Variants in CFDP1 observed in about 807,000 individuals in gnomAD.
CFDP1 encodes chromatin remodeling protein CFDP1.
A neutral mutation model predicts 40.1 loss-of-function variants in CFDP1; 31 were observed. The ratio of observed to expected loss-of-function variants is 0.77; its 90% CI spans 0.58 to 1.04. The LOEUF is 1.04. Among genes scored for constraint, CFDP1 ranks in the 50% least tolerant of loss-of-function variants. The pLI is 0.00. For missense variants in CFDP1, 423 were observed against 343.4 expected (o/e 1.23, Z -1.83); for synonymous variants, 167 against 120.0 (o/e 1.39, Z -2.56).
intron 6 of CFDP1, among the ~76,000 whole-genome samples, chr16:75,298,706 C>G (rs552348336): frequency 4.7e-4 from 72 of 152,274 alleles, no homozygotes; most frequent in South Asian, 1.0e-3. Flanking sequence ...ACACCTCCCG[C>G]CTTCAGGAGG....
At position 75,405,196 on chromosome 16, in the gene CFDP1, C is replaced by T. The variant is rs1845031944; in HGVS notation, c.530+6629G>A. Among the ~76,000 whole-genome samples, 3 of 152,100 alleles carry T rather than the reference C, an allele frequency of 2.0e-5. No individual in the cohort carries two copies. In the South Asian group the frequency reaches 6.2e-4, roughly 31 times the overall value. On this transcript the variant is annotated intron_variant, in intron 4 of 6. Coordinates refer to ENST00000283882, the MANE Select transcript of CFDP1 (RefSeq NM_006324.3). ...TGTGATATGAATTATCAGTCACACG[C>T]AGTAGGACATTACAATGTGTGTGAT...
At chr16:75,432,590 G>C (rs1339719065) in intron 1 of CFDP1, among the ~76,000 whole-genome samples, 1 of 151,958 alleles carries the variant, frequency 6.6e-6, no homozygotes, top group Non-Finnish European at 1.5e-5. Flanking sequence ...AAGAGAATAG[G>C]GACGACTCCT....
intron 1 of CFDP1, among the ~76,000 whole-genome samples, chr16:75,423,578 G>A (rs1287852505): frequency 6.6e-6 from 1 of 151,910 alleles, no homozygotes; most frequent in Non-Finnish European, 1.5e-5. Flanking sequence ...GCAGTGGTGC[G>A]ATCTCCGCTC....
At chr16:75,415,283 C>T (rs1477007256) in intron 1 of CFDP1, among the ~76,000 whole-genome samples, 1 of 152,158 alleles carries the variant, frequency 6.6e-6, no homozygotes, top group Non-Finnish European at 1.5e-5. Context: ...GATGTCTGAC[C>T]ACATGCTGTG....
intron 5 of CFDP1, among the ~76,000 whole-genome samples, chr16:75,362,021 C>T (rs2078682921): frequency 1.3e-5 from 2 of 152,122 alleles, no homozygotes; most frequent in Admixed American, 6.5e-5. Flanking sequence ...TGAAGGAACT[C>T]AGAAAAACCC....
At chr16:75,390,627 A>T (rs1344527354) in intron 5 of CFDP1, among the ~76,000 whole-genome samples, 2 of 152,242 alleles carry the variant, frequency 1.3e-5, no homozygotes, top group Non-Finnish European at 2.9e-5. Flanking sequence ...CACAGTTTTA[A>T]CAAGTGTCAG....
intron 5 of CFDP1, among the ~76,000 whole-genome samples, chr16:75,324,276 C>T (rs1036174359): frequency 5.3e-5 from 8 of 151,872 alleles, no homozygotes; most frequent in African/African-American, 1.7e-4. Flanking sequence ...GCCAGGGGGA[C>T]GAGCTGGGAT....
intron 5 of CFDP1, among the ~76,000 whole-genome samples, chr16:75,350,359 GAA>G (rs2078602534): frequency 6.6e-6 from 1 of 152,174 alleles, no homozygotes; most frequent in Non-Finnish European, 1.5e-5. Flanking sequence ...AGCAAGGTAT[GAA>G]GGTTTCAACT....
chr16:75,375,311 G>A (rs1392289196), intron 5 of CFDP1, among the ~76,000 whole-genome samples: 1 of 152,028 alleles, frequency 6.6e-6, no homozygotes, highest in Non-Finnish European at 1.5e-5. Flanking sequence ...ATTTACATCT[G>A]ACAAACTATC....
chr16:75,406,645 G>A (rs1387604901), intron 4 of CFDP1: 2 of 152,106 alleles, frequency 1.3e-5, no homozygotes, highest in African/African-American at 2.4e-5. Flanking sequence ...AGGTTGTGAT[G>A]AGCCGAGATT....
At position 75,395,104 on chromosome 16, in the gene CFDP1, G is replaced by T; in HGVS notation, c.636C>A (p.Leu212=). 1 of 1,613,900 alleles carries T rather than the reference G, an allele frequency of 6.2e-7. No individual in the cohort carries two copies. Among genetic ancestry groups the T allele is most frequent in the South Asian group, 1.1e-5 (1 of 91,074 alleles). Residue 212 remains leucine, a synonymous_variant, in exon 5 of 7, where the codon CTC becomes CTA. Coordinates refer to ENST00000283882, the MANE Select transcript of CFDP1 (RefSeq NM_006324.3). ...QANVPSALPS[L]PAGSGLKRSS... is the part of the protein sequence containing the mutation. The stretch of plus-strand genomic sequence containing the variant: ...CAAATACTCACCCTGACCCGGCAGG[G>T]AGTGATGGCAGAGCTGAAGGAACAT...
chr16:75,395,726 T>C (rs2078991044), intron 4 of CFDP1, among the ~76,000 whole-genome samples: 1 of 152,114 alleles, frequency 6.6e-6, no homozygotes, highest in Admixed American at 6.5e-5. Flanking sequence ...ACAATGTGTA[T>C]AAATTTTATC....
At chr16:75,404,042 G>T (rs1439182390) in intron 4 of CFDP1, among the ~76,000 whole-genome samples, 1 of 151,648 alleles carries the variant, frequency 6.6e-6, no homozygotes, top group African/African-American at 2.4e-5. Flanking sequence ...TAAGGCAGGA[G>T]AATCGCTTGA....
chr16:75,322,834 T>C (rs1473907669), intron 5 of CFDP1, among the ~76,000 whole-genome samples: 1 of 151,868 alleles, frequency 6.6e-6, no homozygotes, highest in Non-Finnish European at 1.5e-5. Flanking sequence ...ACTTAACCTG[T>C]GTATAAAAGA....
chr16:75,403,048 A>G (rs1397601911), intron 4 of CFDP1, among the ~76,000 whole-genome samples: 2 of 152,188 alleles, frequency 1.3e-5, no homozygotes, highest in African/African-American at 2.4e-5. Context: ...TGTTTTTTAT[A>G]GACATGGTGC....
At chr16:75,318,228 A>G (rs117114587) in intron 5 of CFDP1, among the ~76,000 whole-genome samples, 5,223 of 152,114 alleles carry the variant, frequency 0.034, 124 homozygotes, top group South Asian at 0.078. Flanking sequence ...TGACGGCTGG[A>G]GCCACACACT....
intron 5 of CFDP1, among the ~76,000 whole-genome samples, chr16:75,337,901 G>C (rs1017082062): frequency 3.9e-5 from 6 of 152,240 alleles, no homozygotes; most frequent in Admixed American, 2.6e-4. Context: ...GAGTTTGCTC[G>C]TTTTCCCTTT....
At chr16:75,344,073 A>G (rs768620037) in intron 5 of CFDP1, among the ~76,000 whole-genome samples, 7 of 152,226 alleles carry the variant, frequency 4.6e-5, no homozygotes, top group Non-Finnish European at 1.0e-4. Flanking sequence ...CAATTACTGT[A>G]TGACAACAAG....
chr16:75,330,962 TAAAAA>T (rs11333509), intron 5 of CFDP1, among the ~76,000 whole-genome samples: 4 of 127,676 alleles, frequency 3.1e-5, no homozygotes, highest in East Asian at 2.3e-4. Flanking sequence ...TTCCAATTAT[TAAAAA>T]AAAAAAAAAA....
Sources: allele counts gnomAD v4.1 joint callset (sites outside exome capture counted in the v4.1 genomes callset), GRCh38; gene constraint gnomAD v4.1.1; transcripts MANE v1.5; gene names NCBI Gene and HGNC (gene_info 2026-07-23, HGNC 2026-07-21).